RAB31: variants seen among roughly 807,000 people sequenced by gnomAD.
The protein encoded by RAB31 is RAB31, member RAS oncogene family, also known as ras-related protein Rab-31.
Under a neutral mutation model 25.6 loss-of-function variants are expected in RAB31, and 21 were observed. The ratio of observed to expected loss-of-function variants is 0.82; its 90% CI spans 0.58 to 1.18. RAB31 has a LOEUF of 1.18. RAB31 is among the 50% of genes most tolerant of loss of function. The probability of loss-of-function intolerance (pLI) is 0.00; values close to 1 mark genes in which losing one functional copy is unlikely to be tolerated. For synonymous variants in RAB31, 87 were observed against 84.0 expected (o/e 1.04, Z -0.20); for missense variants, 196 against 250.1 (o/e 0.78, Z 1.46).
chr18:9,826,772 G>A (rs1276230970), intron 5 of RAB31, among the ~76,000 whole-genome samples: 3 of 152,206 alleles, frequency 2.0e-5, no homozygotes, highest in Non-Finnish European at 4.4e-5. Flanking sequence ...GGGGTTAAGG[G>A]TACCTGGCTT....
chr18:9,739,981 C>G (rs193158345), intron 1 of RAB31, among the ~76,000 whole-genome samples: 10 of 152,364 alleles, frequency 6.6e-5, no homozygotes, highest in Admixed American at 3.9e-4. Context: ...CCAGTTGTGT[C>G]TTCCTTGGCT....
rs1043183316 is a variant in RAB31 at position 9,860,580 on chromosome 18, T to C, written c.*1255T>C. 6.6e-6 allele frequency: 1 copy of C among 152,210 alleles called. No homozygotes were observed. The allele number at this position is 152,210 out of a possible 1,614,324, so 9.4% of individuals were successfully genotyped here. A position where few individuals can be genotyped will look rare whatever the true frequency, so the allele number is the denominator to read the frequency against. Reference sequence around the variant, plus strand: ...TGATTCCTACTGAAAATTCAAATTCTATTACCATTCTAACTTTCATAAAAA... The same window carrying C: ...TGATTCCTACTGAAAATTCAAATTCCATTACCATTCTAACTTTCATAAAAA... On this transcript the variant is annotated 3_prime_UTR_variant, in exon 7 of 7. Coordinates refer to ENST00000578921, the MANE Select transcript of RAB31 (RefSeq NM_006868.4).
intron 1 of RAB31, among the ~76,000 whole-genome samples, chr18:9,769,906 T>G (rs1189298592): frequency 6.6e-6 from 1 of 152,230 alleles, no homozygotes; most frequent in Admixed American, 6.5e-5. Flanking sequence ...CGTGTTGAAT[T>G]TTATCAAAGG....
chr18:9,784,338 C>T (rs890418247), intron 2 of RAB31, among the ~76,000 whole-genome samples: 1 of 152,010 alleles, frequency 6.6e-6, no homozygotes, highest in Non-Finnish European at 1.5e-5. Context: ...CCATGCTCGG[C>T]TCTACTTTTT....
chr18:9,734,099 G>GGGA (rs1412190790), intron 1 of RAB31, among the ~76,000 whole-genome samples: 7 of 136,484 alleles, frequency 5.1e-5, no homozygotes, highest in Non-Finnish European at 9.6e-5. Flanking sequence ...CAGGGTGGCG[G>GGGA]GGAGGAGGGA....
chr18:9,781,084 T>C (rs2068401584), intron 2 of RAB31, among the ~76,000 whole-genome samples: 1 of 152,210 alleles, frequency 6.6e-6, no homozygotes, highest in African/African-American at 2.4e-5. Flanking sequence ...AATAAAAATC[T>C]ATTTAAGGCT....
chr18:9,734,970 G>T, intron 1 of RAB31: 1 of 261,294 alleles, frequency 3.8e-6, no homozygotes, highest in Non-Finnish European at 8.0e-6. Context: ...AGCAGTGATG[G>T]GAGGAGCCTC....
intron 1 of RAB31, among the ~76,000 whole-genome samples, chr18:9,749,193 G>A (rs533423467): frequency 6.6e-6 from 1 of 152,252 alleles, no homozygotes; most frequent in Admixed American, 6.5e-5. Context: ...CATTTAAGTG[G>A]CTGCATCATC....
intron 1 of RAB31, among the ~76,000 whole-genome samples, chr18:9,736,244 G>T (rs892966390): frequency 6.6e-6 from 1 of 152,068 alleles, no homozygotes; most frequent in Non-Finnish European, 1.5e-5. Flanking sequence ...AAAGTGATGG[G>T]ATTACAGATG....
At chr18:9,857,698 A>AGAT (rs1437533295) in intron 6 of RAB31, among the ~76,000 whole-genome samples, 3 of 148,544 alleles carry the variant, frequency 2.0e-5, no homozygotes, top group Admixed American at 6.6e-5. Context: ...ATAGATAGAT[A>AGAT]GATAGATAGA....
intron 2 of RAB31, among the ~76,000 whole-genome samples, chr18:9,790,394 TA>T (rs527305728): frequency 7.4e-5 from 10 of 135,740 alleles, no homozygotes; most frequent in East Asian, 2.0e-4. Flanking sequence ...TCAGCTGATT[TA>T]AAAAAAAAAA....
chr18:9,812,489 G>A (rs1473520622), intron 3 of RAB31, among the ~76,000 whole-genome samples: 1 of 152,100 alleles, frequency 6.6e-6, no homozygotes, highest in Non-Finnish European at 1.5e-5. Context: ...ACACTGAACA[G>A]CACAAATCTT....
chr18:9,778,560 T>C (rs1183051437), intron 2 of RAB31, among the ~76,000 whole-genome samples: 3 of 152,258 alleles, frequency 2.0e-5, no homozygotes, highest in Non-Finnish European at 1.5e-5. Context: ...AACCTCCGCC[T>C]CCTGAGTTCA....
intron 5 of RAB31, among the ~76,000 whole-genome samples, chr18:9,837,407 A>T (rs559908122): frequency 6.6e-6 from 1 of 152,350 alleles, no homozygotes; most frequent in South Asian, 2.1e-4. Flanking sequence ...TAATCTTAAA[A>T]ATGGAATGAA....
chr18:9,796,980 A>C (rs2068489576), intron 3 of RAB31, among the ~76,000 whole-genome samples: 1 of 152,244 alleles, frequency 6.6e-6, no homozygotes, highest in South Asian at 2.1e-4. Context: ...TTTAAGAAAT[A>C]AATTAGGATG....
At chr18:9,722,535 T>G (rs2068078409) in intron 1 of RAB31, among the ~76,000 whole-genome samples, 1 of 152,236 alleles carries the variant, frequency 6.6e-6, no homozygotes, top group African/African-American at 2.4e-5. Context: ...CTTTATAGTT[T>G]AATTTGTATT....
chr18:9,779,146 G>C (rs1477601479), intron 2 of RAB31, among the ~76,000 whole-genome samples: 1 of 151,954 alleles, frequency 6.6e-6, no homozygotes, highest in African/African-American at 2.4e-5. Context: ...AAGGGTCAAC[G>C]GTCTATGGAA....
chr18:9,749,697 T>C (rs9965962), intron 1 of RAB31, among the ~76,000 whole-genome samples: 9,474 of 152,292 alleles, frequency 0.062, 535 homozygotes, highest in East Asian at 0.26. Flanking sequence ...GTTTGCAGAA[T>C]TGTTCCCATG....
intron 1 of RAB31, among the ~76,000 whole-genome samples, chr18:9,717,475 A>G (rs1025729588): frequency 6.6e-6 from 1 of 152,018 alleles, no homozygotes; most frequent in African/African-American, 2.4e-5. Context: ...TTTCCCTTCT[A>G]TTTTCTCTTC....
Sources: allele counts gnomAD v4.1 joint callset (sites outside exome capture counted in the v4.1 genomes callset), GRCh38; gene constraint gnomAD v4.1.1; transcripts MANE v1.5; gene names NCBI Gene and HGNC (gene_info 2026-07-23, HGNC 2026-07-21).